THSD7B: variants seen among roughly 807,000 people sequenced by gnomAD.
THSD7B encodes the protein thrombospondin type 1 domain containing 7B.
A neutral mutation model predicts 213.6 loss-of-function variants in THSD7B; 138 were observed. The ratio of observed to expected loss-of-function variants is 0.65; its 90% CI spans 0.56 to 0.74. The LOEUF (loss-of-function observed/expected upper bound fraction) is 0.74. Among genes scored for constraint, THSD7B ranks in the 30% least tolerant of loss-of-function variants. THSD7B has a pLI of 0.00. For synonymous variants in THSD7B, 742 were observed against 687.0 expected (o/e 1.08, Z -1.25); for missense variants, 1,931 against 1,991.5 (o/e 0.97, Z 0.58).
chr2:136,945,781 A>G (rs1684926195), intron 2 of THSD7B, among the ~76,000 whole-genome samples: 1 of 152,186 alleles, frequency 6.6e-6, no homozygotes, highest in Non-Finnish European at 1.5e-5. Context: ...AAGCTTGTGC[A>G]TGCGTCACGT....
intron 20 of THSD7B, among the ~76,000 whole-genome samples, chr2:137,625,497 G>A (rs1682608355): frequency 6.6e-6 from 1 of 151,554 alleles, no homozygotes; most frequent in African/African-American, 2.4e-5. Context: ...TAGAAAAATA[G>A]GCCTGAATAA....
intron 2 of THSD7B, among the ~76,000 whole-genome samples, chr2:137,025,396 A>G (rs1686531677): frequency 6.6e-6 from 1 of 152,158 alleles, no homozygotes; most frequent in Non-Finnish European, 1.5e-5. Context: ...AGCTCATAGG[A>G]CATGGCTCTG....
At chr2:137,596,148 G>A (rs897850949) in intron 17 of THSD7B, among the ~76,000 whole-genome samples, 1 of 151,934 alleles carries the variant, frequency 6.6e-6, no homozygotes, top group Non-Finnish European at 1.5e-5. Context: ...AAGCACAGAA[G>A]GCAACATGGA....
At chr2:137,258,685 T>C (rs1052963172) in intron 10 of THSD7B, among the ~76,000 whole-genome samples, 16 of 150,304 alleles carry the variant, frequency 1.1e-4, no homozygotes, top group South Asian at 1.1e-3. Context: ...TTTCTGCACA[T>C]TTTTTTTTAT....
intron 12 of THSD7B, among the ~76,000 whole-genome samples, chr2:137,353,468 CT>C (rs1685059181): frequency 1.3e-5 from 2 of 152,004 alleles, no homozygotes; most frequent in Admixed American, 6.6e-5. Context: ...TTTCTTTTTC[CT>C]TGCAACCTAA....
chr2:137,371,498 T>C (rs953664723), intron 12 of THSD7B, among the ~76,000 whole-genome samples: 4 of 152,324 alleles, frequency 2.6e-5, no homozygotes, highest in Middle Eastern at 3.4e-3. Flanking sequence ...TATCCTTATA[T>C]GGATGTATTT....
chr2:137,161,080 T>A (rs1047556781), intron 6 of THSD7B, among the ~76,000 whole-genome samples: 14 of 152,350 alleles, frequency 9.2e-5, no homozygotes, highest in African/African-American at 3.4e-4. Flanking sequence ...AGGGTCATTA[T>A]GTATATTGTT....
intron 16 of THSD7B, among the ~76,000 whole-genome samples, chr2:137,564,643 G>A (rs1202882526): frequency 6.6e-6 from 1 of 152,098 alleles, no homozygotes; most frequent in Non-Finnish European, 1.5e-5. Flanking sequence ...TCCTATTCAG[G>A]CCTCTTAGAA....
intron 1 of THSD7B, among the ~76,000 whole-genome samples, chr2:136,839,524 CACT>C (rs1682892393): frequency 6.6e-6 from 1 of 152,034 alleles, no homozygotes; most frequent in East Asian, 1.9e-4. Flanking sequence ...ATTATTGTTT[CACT>C]ATATACTCAT....
chr2:136,833,241 TG>T (rs1431522455), intron 1 of THSD7B, among the ~76,000 whole-genome samples: 5 of 151,744 alleles, frequency 3.3e-5, no homozygotes, highest in African/African-American at 1.2e-4. Flanking sequence ...GGCGGGTGCC[TG>T]TAGTCCCAGC....
In THSD7B at chr2:137,655,555, A is replaced by G. The variant is rs371555754; in HGVS notation, c.4000A>G (p.Ser1334Gly). The stretch of plus-strand genomic sequence containing the variant: ...CCGCAGCCTTTCCTGCATGGTCCAC[A>G]GTGGTTCAATATCTCATGCAGCTGG... ...QIRSLSCMVH[S>G]GSISHAAGRV... is the part of the protein sequence containing the mutation. Residue 1334 changes from serine (S) to glycine (G), a missense_variant, in exon 22 of 28, where the codon AGT (serine) becomes GGT (glycine). Transcript: ENST00000409968. 7 of 1,612,658 alleles carry G rather than the reference A, an allele frequency of 4.3e-6. No individual in the cohort carries two copies. The African/African-American group carries it at 6.7e-5, about 15-fold the overall frequency.
intron 2 of THSD7B, among the ~76,000 whole-genome samples, chr2:136,927,465 A>G (rs1022882298): frequency 1.3e-5 from 2 of 152,314 alleles, no homozygotes; most frequent in East Asian, 3.9e-4. Flanking sequence ...TAGAACCTAC[A>G]TCTTTTGACA....
At chr2:137,548,393 A>G (rs941135846) in intron 15 of THSD7B, among the ~76,000 whole-genome samples, 6 of 152,010 alleles carry the variant, frequency 3.9e-5, no homozygotes, top group Non-Finnish European at 7.4e-5. Flanking sequence ...AGTAATAGTG[A>G]TGATCATTAT....
intron 17 of THSD7B, among the ~76,000 whole-genome samples, chr2:137,601,204 A>C (rs1270565839): frequency 6.6e-6 from 1 of 152,160 alleles, no homozygotes; most frequent in Non-Finnish European, 1.5e-5. Flanking sequence ...ATGGAGTGTA[A>C]CCTAAGTGTA....
chr2:137,397,305 G>A (rs930008645), intron 12 of THSD7B, among the ~76,000 whole-genome samples: 1 of 152,106 alleles, frequency 6.6e-6, no homozygotes, highest in East Asian at 1.9e-4. Context: ...GCTGGTACCG[G>A]TTGTTCCTTT....
At chr2:137,555,638 C>G (rs775287094) in intron 15 of THSD7B, among the ~76,000 whole-genome samples, 19 of 152,124 alleles carry the variant, frequency 1.2e-4, no homozygotes, top group Non-Finnish European at 2.1e-4. Context: ...CAGAGGGCCT[C>G]TCTTCCTCCA....
At chr2:136,810,953 A>G (rs567601364) in intron 1 of THSD7B, among the ~76,000 whole-genome samples, 1 of 152,292 alleles carries the variant, frequency 6.6e-6, no homozygotes, top group East Asian at 1.9e-4. Context: ...GATCCTGCTG[A>G]GAGCTGTGCT....
chr2:137,503,220 C>A (rs1327880834), intron 15 of THSD7B, among the ~76,000 whole-genome samples: 2 of 152,008 alleles, frequency 1.3e-5, no homozygotes. Context: ...TAGTAAAATC[C>A]TAAGTATACA....
chr2:137,580,838 C>T (rs563971082), intron 17 of THSD7B, among the ~76,000 whole-genome samples: 4 of 152,234 alleles, frequency 2.6e-5, no homozygotes, highest in African/African-American at 9.6e-5. Flanking sequence ...GTGCCACACA[C>T]TTTTAAATGT....
Sources: allele counts gnomAD v4.1 joint callset (sites outside exome capture counted in the v4.1 genomes callset), GRCh38; gene constraint gnomAD v4.1.1; transcripts MANE v1.5; gene names NCBI Gene and HGNC (gene_info 2026-07-23, HGNC 2026-07-21).